Variants in ZC3H7A observed in about 807,000 individuals in gnomAD.
ZC3H7A encodes zinc finger CCCH domain-containing protein 7A.
In ZC3H7A, 44 loss-of-function variants were observed where a neutral mutation model predicts 125.5. The ratio of observed to expected loss-of-function variants is 0.35; its 90% CI spans 0.28 to 0.45. ZC3H7A has a LOEUF of 0.45. Ranked by LOEUF, ZC3H7A falls within the 20% of genes least tolerant of loss-of-function variation. The pLI is 1.00. For synonymous variants in ZC3H7A, 399 were observed against 391.2 expected, an observed-to-expected ratio of 1.02 and a Z score of -0.23; for missense variants, 977 against 1,170.7, an observed-to-expected ratio of 0.83 and a Z score of 2.41.
chr16:11,768,193 C>T (rs2052894946), intron 12 of ZC3H7A, 122 bp downstream of exon 12: 3 of 1,021,868 alleles, frequency 2.9e-6, no homozygotes, highest in Non-Finnish European at 4.0e-6. Context: ...AGGAAGAATT[C>T]AAAATAGGGA....
rs1387296260 is a variant in ZC3H7A at position 11,751,315 on chromosome 16, T to C, written c.*2A>G. ...TAGGTATCATACATAAAAGCCAGCATATTAGTTTAAATCTTTAAACAAAAA... is the reference window on the plus strand; with the variant it reads ...TAGGTATCATACATAAAAGCCAGCACATTAGTTTAAATCTTTAAACAAAAA... On this transcript the variant is annotated 3_prime_UTR_variant, in exon 23 of 23. Transcript: ENST00000355758. The C allele has an allele frequency of 1.9e-6, 3 of 1,609,920 alleles. No individual in the cohort carries two copies. Among genetic ancestry groups the C allele is most frequent in the African/African-American group, 2.7e-5 (2 of 74,622 alleles).
At chr16:11,764,951 G>T in intron 15 of ZC3H7A, 102 bp downstream of exon 15, 1 of 732,332 alleles carries the variant, frequency 1.4e-6, no homozygotes, top group South Asian at 2.0e-5. Flanking sequence ...ACAACATAAC[G>T]ATGAAAGGGC....
intron 16 of ZC3H7A, chr16:11,763,140 T>A: frequency 8.1e-6 from 2 of 246,314 alleles, no homozygotes; most frequent in Non-Finnish European, 7.8e-6. Context: ...GACAGTCTCA[T>A]GTTATCACCC....
Position 11,781,019 on chromosome 16 carries a change from A to G in ZC3H7A, c.108+406T>C, listed in dbSNP as rs919434613. 7.9e-5 allele frequency among the ~76,000 whole-genome samples: 12 copies of G among 152,346 alleles called. No homozygotes were observed. The East Asian group carries it at 1.5e-3, about 20-fold the overall frequency. ...AAGTAATTTTCAAGTGGCTCAAAAG[A>G]TAAATTAATTCAAAACCACCCTAAT... is the stretch of plus-strand genomic sequence containing the variant. On this transcript the variant is annotated intron_variant, in intron 3 of 22. Coordinates refer to ENST00000355758, the MANE Select transcript of ZC3H7A (RefSeq NM_014153.4).
At chr16:11,768,610 G>C in intron 11 of ZC3H7A, 109 bp from the exon 12 acceptor site, 1 of 1,003,610 alleles carries the variant, frequency 1.0e-6, no homozygotes, top group Non-Finnish European at 1.4e-6. Context: ...TTCATAAACT[G>C]AGGTCAGTAC....
At chr16:11,791,233 C>T (rs1439330533) in intron 1 of ZC3H7A, among the ~76,000 whole-genome samples, 1 of 152,010 alleles carries the variant, frequency 6.6e-6, no homozygotes, top group Non-Finnish European at 1.5e-5. Context: ...CATCCCCAAG[C>T]CACGCAGCTC....
intron 19 of ZC3H7A, among the ~76,000 whole-genome samples, 169 bp downstream of exon 19, chr16:11,761,237 G>T (rs2052747341): frequency 6.6e-6 from 1 of 151,978 alleles, no homozygotes; most frequent in Non-Finnish European, 1.5e-5. Flanking sequence ...AACTGCTATG[G>T]AACCATACAT....
At chr16:11,796,276 C>T (rs2053434808) in intron 1 of ZC3H7A, 3 of 152,242 alleles carry the variant, frequency 2.0e-5, no homozygotes, top group African/African-American at 7.2e-5. Context: ...ATGTACGTTT[C>T]ACAGCTGGGA....
chr16:11,761,748 A>T (rs2052756501), intron 18 of ZC3H7A, 162 bp downstream of exon 18: 2 of 1,003,026 alleles, frequency 2.0e-6, no homozygotes, highest in Non-Finnish European at 1.4e-6. Flanking sequence ...ATTCTTATCT[A>T]CTAGGTCCTA....
Position 11,765,022 on chromosome 16 carries a change from T to A in ZC3H7A, c.1820+31A>T, listed in dbSNP as rs186675032. On this transcript the variant is annotated intron_variant, in intron 15 of 22. Coordinates refer to ENST00000355758, the MANE Select transcript of ZC3H7A (RefSeq NM_014153.4). The surrounding 1 kb of genome is among the most constrained non-coding windows in gnomAD (Gnocchi z 4.8). ...AGATCTAGAAAAAGAATCTATTTTG[T>A]CATTACAGAAATTAGAAACTATCAA... 4.2e-6 allele frequency: 6 copies of A among 1,412,674 alleles called. No homozygotes were observed. The East Asian group carries it at 1.5e-4, about 35-fold the overall frequency. 87.5% of individuals were successfully genotyped at this position (1,412,674 alleles called of 1,614,324 possible). A position where few individuals can be genotyped will look rare whatever the true frequency, so the allele number is the denominator to read the frequency against.
At chr16:11,794,366 C>A (rs916598756) in intron 1 of ZC3H7A, among the ~76,000 whole-genome samples, 6 of 152,120 alleles carry the variant, frequency 3.9e-5, no homozygotes, top group South Asian at 4.1e-4. Context: ...ATTTAATATG[C>A]CTTTTGTGTA....
chr16:11,787,102 A>G (rs2053267936), intron 1 of ZC3H7A, among the ~76,000 whole-genome samples: 1 of 152,022 alleles, frequency 6.6e-6, no homozygotes, highest in South Asian at 2.1e-4. Flanking sequence ...TGAGCCCAGG[A>G]GTATGAAACC....
chr16:11,777,280 A>G (rs1353784325), intron 4 of ZC3H7A, among the ~76,000 whole-genome samples: 1 of 152,212 alleles, frequency 6.6e-6, no homozygotes, highest in Non-Finnish European at 1.5e-5. Flanking sequence ...ACAGAAACGT[A>G]ACTCCAAACA....
intron 18 of ZC3H7A, 50 bp from the exon 19 acceptor site, chr16:11,761,561 A>T: frequency 6.3e-7 from 1 of 1,595,342 alleles, no homozygotes; most frequent in Non-Finnish European, 8.6e-7. Context: ...AGCAAAAGAC[A>T]TAACACAAAG....
chr16:11,796,374 C>T (rs1220994952), intron 1 of ZC3H7A: 1 of 152,242 alleles, frequency 6.6e-6, no homozygotes, highest in South Asian at 2.1e-4. Flanking sequence ...TGGCAAGGTC[C>T]TTCGTGGTTC....
Position 11,797,105 on chromosome 16 carries a change from G to T in ZC3H7A, c.-35+19C>A, listed in dbSNP as rs1462449029. On this transcript the variant is annotated intron_variant, in intron 1 of 22. Coordinates refer to ENST00000355758, the MANE Select transcript of ZC3H7A (RefSeq NM_014153.4). ...CGCGCGCGTTTCCTTCATGCCCGGCGGCGTCCCCCTACCCCTACCTGTGGG... is the reference window on the plus strand; with the variant it reads ...CGCGCGCGTTTCCTTCATGCCCGGCTGCGTCCCCCTACCCCTACCTGTGGG... 3 of 144,826 alleles carry T rather than the reference G, an allele frequency of 2.1e-5. No individual in the cohort carries two copies. The East Asian group carries it at 5.9e-4, about 29-fold the overall frequency. 9.0% of individuals were successfully genotyped at this position (144,826 alleles called of 1,614,324 possible).
rs116404272 is a variant in ZC3H7A, at chr16:11,790,045, C to T, written c.-35+7079G>A. 6.7e-3 allele frequency among the ~76,000 whole-genome samples: 872 copies of T among 129,598 alleles called. 11 individuals are homozygous for T. The highest frequency in any genetic ancestry group is 0.025 in the African/African-American group (836 of 33,906). 85.0% of individuals were successfully genotyped at this position (129,598 alleles called of 152,430 possible). A position where few individuals can be genotyped will look rare whatever the true frequency, so the allele number is the denominator to read the frequency against. ...GCAGCGAGCAAAGATCATGCCACTG[C>T]ATTCCACCTGAACCACAGAGTGAGA... On this transcript the variant is annotated intron_variant, in intron 1 of 22. Transcript: ENST00000355758.
intron 20 of ZC3H7A, among the ~76,000 whole-genome samples, chr16:11,757,222 C>G (rs952579970): frequency 3.3e-5 from 5 of 152,046 alleles, no homozygotes; most frequent in African/African-American, 1.2e-4. Flanking sequence ...CGGTGGCTCA[C>G]GCCTGTAATC....
intron 9 of ZC3H7A, among the ~76,000 whole-genome samples, chr16:11,772,194 C>CA (rs370155246): frequency 0.24 from 29,163 of 122,292 alleles, 3,782 homozygotes; most frequent in African/African-American, 0.39. Flanking sequence ...GACTCTGTCT[C>CA]AAAAAAAAAA....
Sources: allele counts gnomAD v4.1 joint callset (sites outside exome capture counted in the v4.1 genomes callset), GRCh38; gene constraint gnomAD v4.1.1; non-coding constraint Gnocchi (gnomAD v3.1); transcripts MANE v1.5; gene names NCBI Gene and HGNC (gene_info 2026-07-23, HGNC 2026-07-21).